The following DLGAP2 variants were observed in gnomAD, a reference collection of about 807,000 sequenced individuals.
DLGAP2 encodes DLG associated protein 2.
Under a neutral mutation model 100.3 loss-of-function variants are expected in DLGAP2, and 26 were observed. That is an observed-to-expected ratio of 0.26 (90% confidence interval 0.19 to 0.36). DLGAP2 has a LOEUF of 0.36. DLGAP2 is among the 10% of genes least tolerant of loss of function. The pLI is 1.00. For synonymous variants in DLGAP2, 886 were observed against 630.1 expected (o/e 1.41, Z -6.08); for missense variants, 1,858 against 1,453.2 (o/e 1.28, Z -4.53).
chr8:1,338,029 A>G (rs1801329593), intron 3 of DLGAP2, among the ~76,000 whole-genome samples: 1 of 152,258 alleles, frequency 6.6e-6, no homozygotes, highest in Non-Finnish European at 1.5e-5. Context: ...TGAAGAATGG[A>G]CAATGACAAG....
At chr8:869,178 G>C (rs775972229) in intron 1 of DLGAP2, among the ~76,000 whole-genome samples, 1 of 152,080 alleles carries the variant, frequency 6.6e-6, no homozygotes, top group Non-Finnish European at 1.5e-5. Flanking sequence ...TTTTGAGTCA[G>C]TTCATTTGTT....
chr8:814,850 CAAAAAAA>C (rs34412684), intron 1 of DLGAP2, among the ~76,000 whole-genome samples: 2 of 61,870 alleles, frequency 3.2e-5, no homozygotes, highest in East Asian at 1.0e-3. Flanking sequence ...GACTCCGTCT[CAAAAAAA>C]AAAAAAAAAA....
rs79494401 is a variant in DLGAP2 at position 1,702,370 on chromosome 8, A to G, written c.*964A>G. 6.6e-6 allele frequency: 1 copy of G among 152,274 alleles called. No individual in the cohort carries two copies. Among genetic ancestry groups the G allele is most frequent in the Non-Finnish European group, 1.5e-5 (1 of 67,974 alleles). 9.4% of individuals were successfully genotyped at this position (152,274 alleles called of 1,614,324 possible). ...ACTTTTCAGGGTATCCTTAAAAAAA[A>G]ACACACACGAAAAACAAAAGTTTGC... On this transcript the variant is annotated 3_prime_UTR_variant, in exon 15 of 15. Coordinates refer to ENST00000637795, the MANE Select transcript of DLGAP2 (RefSeq NM_001346810.2).
intron 3 of DLGAP2, among the ~76,000 whole-genome samples, chr8:1,418,544 C>G (rs1169030335): frequency 6.6e-6 from 1 of 152,200 alleles, no homozygotes; most frequent in Non-Finnish European, 1.5e-5. Flanking sequence ...GAAGCTTCAC[C>G]TGGCTGCCAG....
At chr8:1,155,140 G>A (rs1468401345) in intron 2 of DLGAP2, among the ~76,000 whole-genome samples, 5 of 152,164 alleles carry the variant, frequency 3.3e-5, no homozygotes, top group Admixed American at 3.3e-4. Context: ...TATCCCTGGG[G>A]CAGCGGCTGG....
At chr8:1,682,053 C>G (rs1798964552) in intron 12 of DLGAP2, among the ~76,000 whole-genome samples, 1 of 152,200 alleles carries the variant, frequency 6.6e-6, no homozygotes, top group African/African-American at 2.4e-5. Flanking sequence ...TTATGGGAAG[C>G]ACCCCCTCCA....
intron 6 of DLGAP2, among the ~76,000 whole-genome samples, chr8:1,576,892 C>G (rs192599961): frequency 1.7e-3 from 254 of 152,262 alleles, no homozygotes; most frequent in African/African-American, 5.8e-3. Flanking sequence ...CTACCAATGC[C>G]TTTCTTCACA....
At chr8:1,557,901 G>A (rs554034732) in intron 5 of DLGAP2, among the ~76,000 whole-genome samples, 2 of 152,286 alleles carry the variant, frequency 1.3e-5, no homozygotes, top group South Asian at 2.1e-4. Context: ...CACATTCTGA[G>A]GTCCCAAGGG....
intron 3 of DLGAP2, among the ~76,000 whole-genome samples, chr8:1,431,666 G>A (rs981229457): frequency 2.6e-5 from 4 of 152,184 alleles, no homozygotes; most frequent in Non-Finnish European, 5.9e-5. Context: ...TGTCCTTCCA[G>A]TGTAGCTTTC....
At chr8:1,411,184 C>T (rs1397368109) in intron 3 of DLGAP2, among the ~76,000 whole-genome samples, 1 of 152,102 alleles carries the variant, frequency 6.6e-6, no homozygotes, top group African/African-American at 2.4e-5. Flanking sequence ...TGCTTAACTA[C>T]AGAGAAATTA....
intron 10 of DLGAP2, 90 bp from the exon 11 acceptor site, chr8:1,676,443 A>G: frequency 1.5e-6 from 2 of 1,362,998 alleles, no homozygotes; most frequent in South Asian, 1.3e-5. Context: ...ATGCGTAATT[A>G]ATTACAGCAA....
intron 2 of DLGAP2, among the ~76,000 whole-genome samples, chr8:1,154,885 T>C (rs942741310): frequency 1.3e-5 from 2 of 152,194 alleles, no homozygotes; most frequent in Non-Finnish European, 2.9e-5. Flanking sequence ...CAGTGTCTGC[T>C]ACCTGGACGC....
intron 4 of DLGAP2, among the ~76,000 whole-genome samples, chr8:1,546,128 C>G (rs1473313603): frequency 6.6e-6 from 1 of 152,138 alleles, no homozygotes; most frequent in African/African-American, 2.4e-5. Flanking sequence ...TTAAAGTGCT[C>G]TCATTATAAT....
At chr8:828,207 A>G (rs1195417403) in intron 1 of DLGAP2, among the ~76,000 whole-genome samples, 4 of 152,130 alleles carry the variant, frequency 2.6e-5, no homozygotes, top group African/African-American at 4.8e-5. Flanking sequence ...GAGATCAACC[A>G]GTCTGACCAA....
In DLGAP2 at chr8:1,231,176, C is replaced by G. The variant is rs1223992033; in HGVS notation, c.74-27675C>G. The stretch of plus-strand genomic sequence containing the variant: ...AACAAATAGCCCCATTAAAATTGGA[C>G]AAAAGACATAAACAGACATTTCTCT... On this transcript the variant is annotated intron_variant, in intron 2 of 14. Coordinates refer to ENST00000637795, the MANE Select transcript of DLGAP2 (RefSeq NM_001346810.2). Among the ~76,000 whole-genome samples, 3 of 152,036 alleles carry G rather than the reference C, an allele frequency of 2.0e-5. 1 individual carries two copies. The highest frequency in any genetic ancestry group is 4.2e-4 in the South Asian group (2 of 4,816).
intron 3 of DLGAP2, among the ~76,000 whole-genome samples, chr8:1,265,550 T>A (rs370777990): frequency 7.0e-4 from 107 of 152,176 alleles, no homozygotes; most frequent in African/African-American, 2.5e-3. Context: ...GTCAAAGAAG[T>A]AAAGGCCAAG....
At chr8:1,658,392 T>A (rs927609533) in intron 8 of DLGAP2, among the ~76,000 whole-genome samples, 1 of 152,186 alleles carries the variant, frequency 6.6e-6, no homozygotes, top group Non-Finnish European at 1.5e-5. Context: ...AGGGGCTACT[T>A]TTTTATATAT....
In DLGAP2 at chr8:945,927, C is replaced by T. The variant is rs115398724; in HGVS notation, c.73+37961C>T. On this transcript the variant is annotated intron_variant, in intron 2 of 14. Transcript: ENST00000637795. ...TGTTTCCTTGAAGACATGGGAAGTTCCTGGAAAGTAACGAGACTGATCTTC... is the reference window on the plus strand; with the variant it reads ...TGTTTCCTTGAAGACATGGGAAGTTTCTGGAAAGTAACGAGACTGATCTTC... 1.7e-3 allele frequency among the ~76,000 whole-genome samples: 258 copies of T among 152,110 alleles called. 3 individuals are homozygous for T. The highest frequency in any genetic ancestry group is 6.1e-3 in the African/African-American group (254 of 41,482).
intron 2 of DLGAP2, among the ~76,000 whole-genome samples, chr8:982,210 GATA>G (rs1291233917): frequency 5.3e-5 from 8 of 152,220 alleles, no homozygotes; most frequent in Admixed American, 3.9e-4. Context: ...ACGGAGCAGA[GATA>G]ATAACAGTAC....
Sources: allele counts gnomAD v4.1 joint callset (sites outside exome capture counted in the v4.1 genomes callset), GRCh38; gene constraint gnomAD v4.1.1; transcripts MANE v1.5; gene names NCBI Gene and HGNC (gene_info 2026-07-23, HGNC 2026-07-21).